The following ZNF804A variants were observed in gnomAD, a reference collection of about 807,000 sequenced individuals.
ZNF804A encodes the protein zinc finger protein 804A.
ZNF804A carries 2 observed loss-of-function variants against 16.5 expected under a neutral mutation model. That is an observed-to-expected ratio of 0.12 (90% confidence interval 0.05 to 0.38). The LOEUF is 0.38. Ranked by LOEUF, ZNF804A falls within the 10% of genes least tolerant of loss-of-function variation. The pLI, the probability that ZNF804A is intolerant of heterozygous loss-of-function variation, is 0.99. For synonymous variants in ZNF804A, 534 were observed against 489.6 expected (o/e 1.09, Z -1.20); for missense variants, 1,473 against 1,390.7 (o/e 1.06, Z -0.94).
At chr2:184,852,566 G>C (rs1695624050) in intron 1 of ZNF804A, among the ~76,000 whole-genome samples, 1 of 144,846 alleles carries the variant, frequency 6.9e-6, no homozygotes, top group African/African-American at 2.6e-5. Context: ...TTTGTTTTTA[G>C]CAGTTTTACA....
In ZNF804A at chr2:184,680,511, A is replaced by T. The variant is rs1021396729; in HGVS notation, c.111+81441A>T. 4.6e-5 allele frequency among the ~76,000 whole-genome samples: 7 copies of T among 152,360 alleles called. No individual in the cohort carries two copies. In the South Asian group the frequency reaches 1.4e-3, roughly 32 times the overall value. ...AGACACTGGGACAACTTTCCCATGC[A>T]AAAGAGCCACCTGCCTGCAGAAAAG... On this transcript the variant is annotated intron_variant, in intron 1 of 3. Coordinates refer to ENST00000302277, the MANE Select transcript of ZNF804A (RefSeq NM_194250.2).
At chr2:184,803,738 T>C (rs903003507) in intron 1 of ZNF804A, among the ~76,000 whole-genome samples, 1 of 152,216 alleles carries the variant, frequency 6.6e-6, no homozygotes, top group Non-Finnish European at 1.5e-5. Flanking sequence ...GAATATTTTC[T>C]TACCTCTTCT....
chr2:184,794,887 T>C (rs1302937700), intron 1 of ZNF804A, among the ~76,000 whole-genome samples: 2 of 151,694 alleles, frequency 1.3e-5, no homozygotes, highest in African/African-American at 4.8e-5. Context: ...TAAATATATA[T>C]GCACCTAACA....
chr2:184,605,355 A>C (rs1164713632), intron 1 of ZNF804A, among the ~76,000 whole-genome samples: 1 of 152,122 alleles, frequency 6.6e-6, no homozygotes, highest in African/African-American at 2.4e-5. Context: ...TCTCTTCCTA[A>C]AAATTTTAAC....
chr2:184,752,410 C>A (rs1693890426), intron 1 of ZNF804A, among the ~76,000 whole-genome samples: 1 of 151,432 alleles, frequency 6.6e-6, no homozygotes, highest in African/African-American at 2.4e-5. Flanking sequence ...TTCTTACTTA[C>A]AAGTGGGACT....
intron 1 of ZNF804A, among the ~76,000 whole-genome samples, chr2:184,841,717 TA>T: frequency 6.6e-6 from 1 of 152,310 alleles, no homozygotes; most frequent in African/African-American, 2.4e-5. Context: ...ATTTACATTT[TA>T]AAAAATACTT....
At position 184,762,212 on chromosome 2, in the gene ZNF804A, T is replaced by C. The variant is rs201281688; in HGVS notation, c.112-104157T>C. 1.3e-3 allele frequency among the ~76,000 whole-genome samples: 3 copies of C among 2,392 alleles called. No individual in the cohort carries two copies. The South Asian group carries it at 0.058, about 46-fold the overall frequency. 1.6% of individuals were successfully genotyped at this position (2,392 alleles called of 152,430 possible). A position where few individuals can be genotyped will look rare whatever the true frequency, so the allele number is the denominator to read the frequency against. ...GCTTTCTTTCTTTTCTTTTCTTTTCTTTTTTTTTTTTGCCTATGGTTATAT... is the reference window on the plus strand; with the variant it reads ...GCTTTCTTTCTTTTCTTTTCTTTTCCTTTTTTTTTTTGCCTATGGTTATAT... On this transcript the variant is annotated intron_variant, in intron 1 of 3. Transcript: ENST00000302277.
chr2:184,613,151 C>T (rs1248340541), intron 1 of ZNF804A, among the ~76,000 whole-genome samples: 1 of 152,192 alleles, frequency 6.6e-6, no homozygotes, highest in Non-Finnish European at 1.5e-5. Context: ...GAGTATGAGA[C>T]ACTCTCCTCT....
intron 1 of ZNF804A, among the ~76,000 whole-genome samples, chr2:184,690,853 T>C (rs1303328988): frequency 1.3e-5 from 2 of 152,048 alleles, no homozygotes; most frequent in Non-Finnish European, 1.5e-5. Flanking sequence ...TATATAACTA[T>C]ACATGTTAGA....
intron 1 of ZNF804A, among the ~76,000 whole-genome samples, chr2:184,789,430 C>G (rs1173962336): frequency 1.3e-5 from 2 of 152,014 alleles, no homozygotes; most frequent in East Asian, 3.9e-4. Flanking sequence ...CTTTGTGTGT[C>G]TAGTAAACTT....
chr2:184,628,080 C>A (rs1045431275), intron 1 of ZNF804A, among the ~76,000 whole-genome samples: 2 of 151,632 alleles, frequency 1.3e-5, no homozygotes, highest in Non-Finnish European at 3.0e-5. Flanking sequence ...TTTGGGAGGC[C>A]GAGGCGGGCG....
chr2:184,854,468 T>A (rs1352389193), intron 1 of ZNF804A, among the ~76,000 whole-genome samples: 1 of 152,014 alleles, frequency 6.6e-6, no homozygotes, highest in Non-Finnish European at 1.5e-5. Context: ...TCGATGTGCA[T>A]TACCCACTGT....
chr2:184,775,902 C>T (rs1244849620), intron 1 of ZNF804A, among the ~76,000 whole-genome samples: 1 of 151,544 alleles, frequency 6.6e-6, no homozygotes, highest in African/African-American at 2.4e-5. Flanking sequence ...GAGTCAACAA[C>T]TCCAAAAGTT....
At chr2:184,616,806 C>G (rs574229827) in intron 1 of ZNF804A, among the ~76,000 whole-genome samples, 1 of 152,130 alleles carries the variant, frequency 6.6e-6, no homozygotes, top group African/African-American at 2.4e-5. Flanking sequence ...TCATGGACCT[C>G]TTTTCATAGG....
intron 2 of ZNF804A, among the ~76,000 whole-genome samples, chr2:184,891,700 T>G (rs1258068161): frequency 1.3e-5 from 2 of 152,182 alleles, no homozygotes; most frequent in Non-Finnish European, 2.9e-5. Flanking sequence ...ACTAAATTAA[T>G]GGAAAACATA....
At chr2:184,603,619 A>T (rs1014085289) in intron 1 of ZNF804A, among the ~76,000 whole-genome samples, 1 of 152,182 alleles carries the variant, frequency 6.6e-6, no homozygotes, top group African/African-American at 2.4e-5. Context: ...GACTAAAGAG[A>T]TCAATTGGTG....
intron 1 of ZNF804A, among the ~76,000 whole-genome samples, chr2:184,678,177 T>C (rs1692471580): frequency 6.6e-6 from 1 of 152,078 alleles, no homozygotes; most frequent in Non-Finnish European, 1.5e-5. Context: ...TCGAGAGCAT[T>C]ATTTCTTTAA....
chr2:184,746,767 T>C (rs1344787639), intron 1 of ZNF804A, among the ~76,000 whole-genome samples: 1 of 151,540 alleles, frequency 6.6e-6, no homozygotes, highest in African/African-American at 2.4e-5. Context: ...ATTGTTTTCA[T>C]TATTAACTCC....
At position 184,928,697 on chromosome 2, in the gene ZNF804A, C is replaced by T. The variant is rs28607558; in HGVS notation, c.256-4906C>T. Among the ~76,000 whole-genome samples, 536 of 152,302 alleles carry T rather than the reference C, an allele frequency of 3.5e-3. 5 individuals carry two copies. Among genetic ancestry groups the T allele is most frequent in the African/African-American group, 0.012 (504 of 41,570 alleles). On this transcript the variant is annotated intron_variant, in intron 2 of 3. Transcript: ENST00000302277. ...CCCAAGGTGGCAAGGCTTGCAGGAA[C>T]TCAAGTTCCAACTGCTGGGATGGTC...
Sources: gnomAD v4.1 joint callset for allele counts (sites outside exome capture counted in the v4.1 genomes callset) on GRCh38, gnomAD v4.1.1 for gene constraint, MANE v1.5 for transcripts, NCBI Gene and HGNC (gene_info 2026-07-23, HGNC 2026-07-21) for gene names.